The following PTP4A1 variants were observed in gnomAD, a reference collection of about 807,000 sequenced individuals.
PTP4A1 encodes protein tyrosine phosphatase type IVA 1.
PTP4A1 carries 9 observed loss-of-function variants against 20.5 expected under a neutral mutation model. The ratio of observed to expected loss-of-function variants is 0.44; its 90% CI spans 0.26 to 0.77. The LOEUF (loss-of-function observed/expected upper bound fraction) is 0.77. Ranked by LOEUF, PTP4A1 falls within the 30% of genes least tolerant of loss-of-function variation. PTP4A1 has a pLI of 0.19. For missense variants in PTP4A1, 137 were observed against 218.8 expected (o/e 0.63, Z 2.36); for synonymous variants, 78 against 67.4 (o/e 1.16, Z -0.77).
chr6:63,569,321 T>G (rs1777319823), upstream of PTP4A1, among the ~76,000 whole-genome samples: 1 of 152,232 alleles, frequency 6.6e-6, no homozygotes, highest in South Asian at 2.1e-4. Flanking sequence ...AGTGCCATGA[T>G]CTCGGCTCAC....
At chr6:63,552,079 A>C (rs1296468124) in intron 3 of PTP4A1, among the ~76,000 whole-genome samples, 6 of 152,174 alleles carry the variant, frequency 3.9e-5, no homozygotes, top group Non-Finnish European at 8.8e-5. Context: ...GGCTGGGTCA[A>C]ATGGTATTTC....
intron 2 of PTP4A1, among the ~76,000 whole-genome samples, chr6:63,544,586 G>C (rs1452067513): frequency 6.6e-6 from 1 of 152,080 alleles, no homozygotes; most frequent in African/African-American, 2.4e-5. Context: ...ACTGGCTAGA[G>C]TGGTCATGTC....
At chr6:63,549,505 G>T in intron 2 of PTP4A1, 2 of 743,966 alleles carry the variant, frequency 2.7e-6, no homozygotes, top group Non-Finnish European at 2.4e-6. Context: ...TTTCCTTTCG[G>T]CAGGAGGAGA....
chr6:63,545,126 G>A (rs1776128116), intron 2 of PTP4A1, among the ~76,000 whole-genome samples: 1 of 152,102 alleles, frequency 6.6e-6, no homozygotes, highest in African/African-American at 2.4e-5. Flanking sequence ...ATTTAAATAT[G>A]TACTCATTGA....
chr6:63,549,476 C>T (rs535273033), intron 2 of PTP4A1: 1 of 787,486 alleles, frequency 1.3e-6, no homozygotes, highest in South Asian at 1.4e-5. Context: ...CCGGAGCCAC[C>T]TTCTTTCCCT....
At position 63,581,004 on chromosome 6, in the gene PTP4A1, T is replaced by C. The variant is rs573134809; in HGVS notation, c.*830T>C. Reference sequence around the variant, plus strand: ...TCTTGTGCAAACATGTAGAATATGCTCTTTAATTTAGTAAAATATTTTTTT... The same window carrying C: ...TCTTGTGCAAACATGTAGAATATGCCCTTTAATTTAGTAAAATATTTTTTT... On this transcript the variant is annotated 3_prime_UTR_variant, in exon 6 of 6. Transcript: ENST00000626021. 1 of 152,386 alleles carries C rather than the reference T, an allele frequency of 6.6e-6. No homozygotes were observed. Among genetic ancestry groups the C allele is most frequent in the African/African-American group, 2.4e-5 (1 of 41,572 alleles). 9.4% of individuals were successfully genotyped at this position (152,386 alleles called of 1,614,324 possible).
chr6:63,528,588 A>G (rs1775293286), intron 2 of PTP4A1, among the ~76,000 whole-genome samples: 1 of 151,964 alleles, frequency 6.6e-6, no homozygotes, highest in Non-Finnish European at 1.5e-5. Flanking sequence ...CAAATTAGCC[A>G]GCCATGAAAA....
chr6:63,526,536 G>A (rs1253617678), intron 1 of PTP4A1, among the ~76,000 whole-genome samples: 6 of 151,778 alleles, frequency 4.0e-5, no homozygotes, highest in Non-Finnish European at 7.4e-5. Context: ...TAGGCCAGGC[G>A]CAGTGGCTCA....
intron 2 of PTP4A1, among the ~76,000 whole-genome samples, chr6:63,531,407 C>A (rs1031677897): frequency 2.1e-5 from 3 of 144,166 alleles, no homozygotes; most frequent in African/African-American, 5.3e-5. Flanking sequence ...AAAGAAAAAA[C>A]ATAACAAATT....
upstream of PTP4A1, chr6:63,571,508 T>C (rs1777424588): frequency 6.6e-6 from 1 of 152,176 alleles, no homozygotes; most frequent in South Asian, 2.1e-4. Context: ...GCTTAAATAA[T>C]GAAGTCAGTA....
At chr6:63,556,394 T>G (rs969439176) in intron 3 of PTP4A1, among the ~76,000 whole-genome samples, 4 of 152,088 alleles carry the variant, frequency 2.6e-5, no homozygotes, top group Non-Finnish European at 5.9e-5. Flanking sequence ...TTGCCCAGGC[T>G]GGTCTCAAGC....
At chr6:63,575,349 C>T (rs1347188533) in intron 1 of PTP4A1, among the ~76,000 whole-genome samples, 1 of 152,066 alleles carries the variant, frequency 6.6e-6, no homozygotes, top group East Asian at 1.9e-4. Context: ...TCTTTACTCC[C>T]GAGTACACAA....
chr6:63,580,367 C>G lies in PTP4A1; in HGVS notation c.*193C>G. ...GGGTTACAGTCAACCTATTTGGATA[C>G]TTGGCAAAAGATTCTTGCTGTCAGC... On this transcript the variant is annotated 3_prime_UTR_variant, in exon 6 of 6. Coordinates refer to ENST00000626021, the MANE Select transcript of PTP4A1 (RefSeq NM_003463.5). 1.9e-6 allele frequency: 1 copy of G among 520,528 alleles called. No individual in the cohort carries two copies. Among genetic ancestry groups the G allele is most frequent in the Non-Finnish European group, 3.5e-6 (1 of 289,608 alleles). The allele number at this position is 520,528 out of a possible 1,614,324, so 32.2% of individuals were successfully genotyped here.
chr6:63,542,434 A>T (rs1776022865), intron 2 of PTP4A1, among the ~76,000 whole-genome samples: 1 of 152,142 alleles, frequency 6.6e-6, no homozygotes, highest in Admixed American at 6.6e-5. Flanking sequence ...AATAAAAAAA[A>T]AAACTCTCCT....
intron 3 of PTP4A1, among the ~76,000 whole-genome samples, chr6:63,561,288 C>G (rs190085221): frequency 7.0e-4 from 107 of 152,246 alleles, no homozygotes; most frequent in Non-Finnish European, 1.3e-3. Flanking sequence ...GGAGTAATAT[C>G]AATCTGGAGA....
chr6:63,534,677 G>C (rs2800039), intron 2 of PTP4A1, among the ~76,000 whole-genome samples: 1,883 of 151,990 alleles, frequency 0.012, 32 homozygotes, highest in African/African-American at 0.042. Context: ...ACCAGGCACG[G>C]TGGCTCATGC....
chr6:63,562,301 G>C (rs982487680), intron 3 of PTP4A1, among the ~76,000 whole-genome samples: 1 of 151,420 alleles, frequency 6.6e-6, no homozygotes, highest in Non-Finnish European at 1.5e-5. Context: ...CCGGGTTCAA[G>C]TGATTCTTCT....
At chr6:63,550,332 A>G (rs1776381809) in exon 3 of PTP4A1, 1 of 152,170 alleles carries the variant, frequency 6.6e-6, no homozygotes, top group Admixed American at 6.5e-5. Context: ...TCTGGAGTAT[A>G]AAAGGAGTTG....
At chr6:63,534,781 C>CTTTAGTAAAGAATTTCA (rs1562114765) in intron 2 of PTP4A1, among the ~76,000 whole-genome samples, 2 of 137,748 alleles carry the variant, frequency 1.5e-5, no homozygotes, top group African/African-American at 5.9e-5. Flanking sequence ...AATTTCTTTA[C>CTTTAGTAAAGAATTTCA]TAAAGAATTT....
Sources: allele counts gnomAD v4.1 joint callset (sites outside exome capture counted in the v4.1 genomes callset), GRCh38; gene constraint gnomAD v4.1.1; transcripts MANE v1.5; gene names NCBI Gene and HGNC (gene_info 2026-07-23, HGNC 2026-07-21).